Variants in GTF2IRD1 observed in about 807,000 individuals in gnomAD.
The protein encoded by GTF2IRD1 is general transcription factor II-I repeat domain-containing protein 1.
GTF2IRD1 carries 26 observed loss-of-function variants against 113.2 expected under a neutral mutation model. That is an observed-to-expected ratio of 0.23 (90% CI 0.17 to 0.32). The LOEUF is 0.32. GTF2IRD1 is among the 10% of genes least tolerant of loss of function. The pLI is 1.00. For missense variants in GTF2IRD1, 864 were observed against 1,280.8 expected, an observed-to-expected ratio of 0.67 and a Z score of 4.97; for synonymous variants, 484 against 529.1, an observed-to-expected ratio of 0.91 and a Z score of 1.17.
At chr7:74,530,046 T>G in intron 9 of GTF2IRD1, 129 bp downstream of exon 9, 1 of 618,150 alleles carries the variant, frequency 1.6e-6, no homozygotes. Flanking sequence ...CCCGTCTCTA[T>G]TAACAATACA....
chr7:74,496,998 C>A (rs550151622), intron 1 of GTF2IRD1, among the ~76,000 whole-genome samples: 25 of 151,840 alleles, frequency 1.6e-4, no homozygotes, highest in Admixed American at 1.6e-3. Flanking sequence ...CCCATCTCTA[C>A]AAAAAAATTT....
intron 1 of GTF2IRD1, among the ~76,000 whole-genome samples, chr7:74,501,760 TCCTGTCTCAGCCA>T (rs1336967416): frequency 6.6e-6 from 1 of 152,172 alleles, no homozygotes; most frequent in East Asian, 1.9e-4. Context: ...CGAGCGATTC[TCCTGTCTCAGCCA>T]CCTGAGTAGC....
chr7:74,597,150 C>A (rs1802467611), intron 25 of GTF2IRD1, among the ~76,000 whole-genome samples: 1 of 151,776 alleles, frequency 6.6e-6, no homozygotes, highest in South Asian at 2.1e-4. Context: ...TCAAGTGATT[C>A]TCCTGCCTCA....
intron 22 of GTF2IRD1, chr7:74,571,240 C>T (rs1583918580): frequency 9.8e-6 from 4 of 406,798 alleles, no homozygotes; most frequent in Non-Finnish European, 1.3e-5. Context: ...ATTGCCCACG[C>T]CACGTCTGCC....
chr7:74,547,337 A>G (rs1554353626), intron 17 of GTF2IRD1, 51 bp downstream of exon 17: 2 of 1,419,708 alleles, frequency 1.4e-6, no homozygotes, highest in Non-Finnish European at 1.9e-6. Context: ...GCTCAGCACC[A>G]AGGGGCAGGA....
At chr7:74,465,299 G>C (rs782044528) in intron 1 of GTF2IRD1, among the ~76,000 whole-genome samples, 2 of 152,130 alleles carry the variant, frequency 1.3e-5, no homozygotes, top group Non-Finnish European at 2.9e-5. Context: ...AGCTCCCTGA[G>C]ATATTCTCTT....
chr7:74,547,236 G>T lies in GTF2IRD1; in HGVS notation c.1866G>T (p.Lys622Asn), dbSNP rs782717036. The T allele has an allele frequency of 6.2e-7, 1 of 1,613,234 alleles. No homozygotes were observed. The highest frequency in any genetic ancestry group is 2.2e-5 in the East Asian group (1 of 44,868). The change falls in exon 17 of 27, where the codon AAG becomes AAT. Residue 622 changes from lysine (K) to asparagine (N), a missense_variant. By Grantham distance (94) the Lys-to-Asn change is moderately conservative (BLOSUM62 0). Transcript: ENST00000424337. ...LRRPNCFGIA[K>N]LRKILEASNS... Reference sequence around the variant, plus strand: ...GGCCCAACTGCTTCGGGATCGCCAAGCTCCGGAAGATTCTGGAGGCCAGCA... The same window carrying T: ...GGCCCAACTGCTTCGGGATCGCCAATCTCCGGAAGATTCTGGAGGCCAGCA...
chr7:74,487,114 T>C (rs767251028), intron 1 of GTF2IRD1, among the ~76,000 whole-genome samples: 3 of 152,194 alleles, frequency 2.0e-5, no homozygotes, highest in Non-Finnish European at 2.9e-5. Context: ...CTTGGCTCAC[T>C]GCAACCTCCG....
intron 1 of GTF2IRD1, among the ~76,000 whole-genome samples, chr7:74,473,944 C>T (rs1554332983): frequency 2.6e-5 from 4 of 151,756 alleles, no homozygotes; most frequent in African/African-American, 9.7e-5. Flanking sequence ...AAAATTAAGG[C>T]TGGGCGCAGT....
chr7:74,584,289 C>T (rs376444833), intron 22 of GTF2IRD1, among the ~76,000 whole-genome samples: 1 of 151,856 alleles, frequency 6.6e-6, no homozygotes, highest in Non-Finnish European at 1.5e-5. Context: ...ACTAAAAATA[C>T]AAAAAATTAG....
At chr7:74,474,568 C>T (rs1185310219) in intron 1 of GTF2IRD1, among the ~76,000 whole-genome samples, 1 of 152,206 alleles carries the variant, frequency 6.6e-6, no homozygotes, top group African/African-American at 2.4e-5. Context: ...TCCCAGCAGA[C>T]TTCACTTTGA....
At chr7:74,473,348 G>T (rs549544159) in intron 1 of GTF2IRD1, among the ~76,000 whole-genome samples, 2 of 152,228 alleles carry the variant, frequency 1.3e-5, no homozygotes, top group East Asian at 3.9e-4. Context: ...GTATTGCTGT[G>T]TCCACCAGCC....
chr7:74,540,152 T>C (rs1392226311), intron 14 of GTF2IRD1, among the ~76,000 whole-genome samples, 184 bp downstream of exon 14: 12 of 152,084 alleles, frequency 7.9e-5, no homozygotes, highest in African/African-American at 2.4e-4. Flanking sequence ...GTAGGCTCTA[T>C]TTATTTATTT....
chr7:74,489,728 C>T (rs782386089), intron 1 of GTF2IRD1, among the ~76,000 whole-genome samples: 2 of 152,172 alleles, frequency 1.3e-5, no homozygotes, highest in Non-Finnish European at 2.9e-5. Context: ...CTGGCCTCTC[C>T]TTACACCTGT....
chr7:74,545,856 C>T, intron 16 of GTF2IRD1, 47 bp downstream of exon 16: 13 of 1,418,402 alleles, frequency 9.2e-6, no homozygotes, highest in Non-Finnish European at 1.3e-5. Context: ...GGCCCCCCTC[C>T]AGCCGCCCTG....
chr7:74,478,533 G>A (rs1317506228), intron 1 of GTF2IRD1, among the ~76,000 whole-genome samples: 4 of 152,158 alleles, frequency 2.6e-5, no homozygotes, highest in Admixed American at 1.3e-4. Flanking sequence ...ATAGCTCACT[G>A]TAGCCTAGAA....
chr7:74,474,981 G>T (rs1466584999), intron 1 of GTF2IRD1, among the ~76,000 whole-genome samples: 10 of 152,146 alleles, frequency 6.6e-5, no homozygotes, highest in Non-Finnish European at 1.3e-4. Flanking sequence ...AATTAGCCAG[G>T]TATGGTGGTG....
chr7:74,520,826 T>C (rs1295802978), intron 6 of GTF2IRD1, among the ~76,000 whole-genome samples: 3 of 136,904 alleles, frequency 2.2e-5, no homozygotes, highest in African/African-American at 8.2e-5. Flanking sequence ...TAGTAGGTGC[T>C]TGTAAGTTAT....
chr7:74,582,949 G>A (rs1371516298), intron 22 of GTF2IRD1, among the ~76,000 whole-genome samples: 2 of 151,412 alleles, frequency 1.3e-5, no homozygotes, highest in African/African-American at 4.9e-5. Context: ...CTGCACTCCA[G>A]CCTGAATGAC....
Sources: allele counts gnomAD v4.1 joint callset (sites outside exome capture counted in the v4.1 genomes callset), GRCh38; gene constraint gnomAD v4.1.1; transcripts MANE v1.5; gene names NCBI Gene and HGNC (gene_info 2026-07-23, HGNC 2026-07-21).